STK33: variants seen among roughly 807,000 people sequenced by gnomAD.
STK33 encodes serine/threonine-protein kinase 33.
In STK33, 52 loss-of-function variants were observed where a neutral mutation model predicts 58.0. The observed-to-expected ratio is 0.90, with a 90% CI of 0.72 to 1.13. The LOEUF is 1.13. Ranked by LOEUF, STK33 falls within the 50% of genes most tolerant of loss-of-function variation. STK33 has a pLI of 0.00. For synonymous variants in STK33, 215 were observed against 200.1 expected (o/e 1.07, Z -0.63); for missense variants, 630 against 604.2 (o/e 1.04, Z -0.45).
At chr11:8,589,598 C>T (rs989314003) in intron 1 of STK33, among the ~76,000 whole-genome samples, 5 of 152,078 alleles carry the variant, frequency 3.3e-5, no homozygotes, top group African/African-American at 1.2e-4. Context: ...TTGCTAGTGT[C>T]ACTACTATTT....
chr11:8,374,345 A>G, the STK33 span, among the ~76,000 whole-genome samples: 1 of 152,174 alleles, frequency 6.6e-6, no homozygotes, highest in Non-Finnish European at 1.5e-5. Flanking sequence ...GGTTATTTTC[A>G]TCTGCTCGAG....
intron 9 of STK33, among the ~76,000 whole-genome samples, chr11:8,457,068 C>T (rs186304580): frequency 1.8e-4 from 28 of 152,258 alleles, no homozygotes; most frequent in African/African-American, 5.1e-4. Flanking sequence ...GGAAACTTCA[C>T]CTTTACCATT....
chr11:8,516,354 T>C (rs556113515), intron 1 of STK33, among the ~76,000 whole-genome samples: 1 of 152,224 alleles, frequency 6.6e-6, no homozygotes, highest in East Asian at 1.9e-4. Context: ...GATATCCACA[T>C]ATAAAAGAAT....
intron 1 of STK33, among the ~76,000 whole-genome samples, chr11:8,546,311 T>C (rs34059271): frequency 0.17 from 25,629 of 152,192 alleles, 2,649 homozygotes; most frequent in South Asian, 0.31. Context: ...TAACTTTTTA[T>C]TGATATATGA....
intron 11 of STK33, among the ~76,000 whole-genome samples, chr11:8,449,579 C>T (rs1326269599): frequency 2.1e-5 from 3 of 141,062 alleles, no homozygotes; most frequent in South Asian, 2.2e-4. Context: ...GGGAATTGAA[C>T]GATGAGAACA....
the STK33 span, among the ~76,000 whole-genome samples, chr11:8,378,873 A>C: frequency 6.6e-6 from 1 of 152,232 alleles, no homozygotes; most frequent in Non-Finnish European, 1.5e-5. Context: ...TGGAGGCATC[A>C]CATTACCAGA....
intron 1 of STK33, among the ~76,000 whole-genome samples, chr11:8,539,836 T>C (rs1026722742): frequency 1.3e-5 from 2 of 152,186 alleles, no homozygotes; most frequent in Non-Finnish European, 2.9e-5. Flanking sequence ...TAGGAGCTAA[T>C]GTAAATGCTA....
chr11:8,531,699 C>T (rs947862901), intron 1 of STK33, among the ~76,000 whole-genome samples: 1 of 152,184 alleles, frequency 6.6e-6, no homozygotes, highest in Non-Finnish European at 1.5e-5. Flanking sequence ...GCTGCATAGC[C>T]TTTTCTGAAC....
chr11:8,592,424 G>A (rs2032760186), intron 1 of STK33, among the ~76,000 whole-genome samples: 1 of 152,140 alleles, frequency 6.6e-6, no homozygotes. Flanking sequence ...ATAAGGAGGT[G>A]CCATTTTTAT....
chr11:8,352,154 G>A, the STK33 span, among the ~76,000 whole-genome samples: 1 of 152,346 alleles, frequency 6.6e-6, no homozygotes, highest in Middle Eastern at 3.4e-3. Flanking sequence ...CCAGGCAGTG[G>A]TTTGGGGGAA....
At chr11:8,370,195 G>C in the STK33 span, among the ~76,000 whole-genome samples, 6 of 150,694 alleles carry the variant, frequency 4.0e-5, 1 homozygote, top group Non-Finnish European at 8.8e-5. Flanking sequence ...GGCCTCAAAA[G>C]ATGAGGCTTT....
chr11:8,435,429 G>T, intron 14 of STK33, 65 bp downstream of exon 14: 1 of 918,366 alleles, frequency 1.1e-6, no homozygotes, highest in South Asian at 3.2e-5. Flanking sequence ...AAAACTCCAA[G>T]ACAAAATAAA....
chr11:8,456,866 A>T (rs1263098222), intron 9 of STK33, among the ~76,000 whole-genome samples: 2 of 152,200 alleles, frequency 1.3e-5, no homozygotes, highest in Admixed American at 6.5e-5. Flanking sequence ...TCAATGCAAT[A>T]TATCAATCTA....
chr11:8,467,888 C>G (rs188928130), intron 6 of STK33, among the ~76,000 whole-genome samples: 1 of 151,736 alleles, frequency 6.6e-6, no homozygotes, highest in Admixed American at 6.6e-5. Flanking sequence ...AAGGTTGCAG[C>G]GAGCTGAGAT....
At position 8,540,889 on chromosome 11, in the gene STK33, TG is replaced by T. The variant is rs1187839461; in HGVS notation, c.-466+53193del. Among the ~76,000 whole-genome samples the T allele has an allele frequency of 3.9e-5, 6 of 152,074 alleles. 1 individual carries two copies. The highest frequency in any genetic ancestry group is 3.9e-4 in the Admixed American group (6 of 15,260). ...ACATTTTAGTTAAATAACTAAATTT[TG>T]GTTGCTCTTGTCATGAAAAAGTAAT... On this transcript the variant is annotated intron_variant, in intron 1 of 15. Coordinates refer to ENST00000687296, the MANE Select transcript of STK33 (RefSeq NM_001352389.2).
At chr11:8,407,521 C>T (rs1190254455) in intron 15 of STK33, among the ~76,000 whole-genome samples, 2 of 152,042 alleles carry the variant, frequency 1.3e-5, no homozygotes, top group Middle Eastern at 3.4e-3. Context: ...AAAATAAATA[C>T]AGAACGATTC....
intron 15 of STK33, among the ~76,000 whole-genome samples, chr11:8,402,285 C>T (rs1034610349): frequency 1.7e-3 from 252 of 152,218 alleles, no homozygotes; most frequent in Non-Finnish European, 2.9e-3. Context: ...ACTATGCAGC[C>T]ATAAAAATGA....
the STK33 span, among the ~76,000 whole-genome samples, chr11:8,363,819 C>T: frequency 6.6e-6 from 1 of 152,174 alleles, no homozygotes; most frequent in Admixed American, 6.5e-5. Flanking sequence ...AATAGTAAAA[C>T]TAATACTCAT....
intron 14 of STK33, among the ~76,000 whole-genome samples, chr11:8,430,843 C>A (rs973140607): frequency 6.6e-6 from 1 of 151,136 alleles, no homozygotes; most frequent in Non-Finnish European, 1.5e-5. Context: ...AGTGTCCTGG[C>A]TCATGAGCTT....
Sources: gnomAD v4.1 joint callset for allele counts (sites outside exome capture counted in the v4.1 genomes callset) on GRCh38, gnomAD v4.1.1 for gene constraint, MANE v1.5 for transcripts, NCBI Gene and HGNC (gene_info 2026-07-23, HGNC 2026-07-21) for gene names.